Variants in NRG3 observed in about 807,000 individuals in gnomAD.
NRG3 encodes the protein pro-neuregulin-3, membrane-bound isoform.
In NRG3, 31 loss-of-function variants were observed where a neutral mutation model predicts 66.9. The observed-to-expected ratio is 0.46, with a 90% CI of 0.35 to 0.63. The LOEUF (loss-of-function observed/expected upper bound fraction) is 0.63. Among genes scored for constraint, NRG3 ranks in the 20% least tolerant of loss-of-function variants. The pLI is 0.00. For missense variants in NRG3, 910 were observed against 878.9 expected, an observed-to-expected ratio of 1.04 and a Z score of -0.45; for synonymous variants, 393 against 359.4, an observed-to-expected ratio of 1.09 and a Z score of -1.06.
chr10:82,907,044 G>A (rs1844798802), intron 4 of NRG3, among the ~76,000 whole-genome samples: 4 of 152,164 alleles, frequency 2.6e-5, no homozygotes, highest in Admixed American at 2.6e-4. Context: ...AATACAAACT[G>A]ATTTGGGTTA....
At chr10:81,915,496 G>GTTTTTTTTGTT (rs1845604360) in intron 1 of NRG3, among the ~76,000 whole-genome samples, 1 of 130,734 alleles carries the variant, frequency 7.6e-6, no homozygotes, top group African/African-American at 3.1e-5. Context: ...CACTTCTTTA[G>GTTTTTTTTGTT]TTTTTTTTTT....
chr10:82,126,576 C>T lies in NRG3; in HGVS notation c.824-232163C>T, dbSNP rs556371504. On this transcript the variant is annotated intron_variant, in intron 1 of 8. Transcript: ENST00000372141. The stretch of plus-strand genomic sequence containing the variant: ...TTCATTCTGACTGCTGCTCTTTATT[C>T]TTTATAGTAATTGGCATATAAATAT... Among the ~76,000 whole-genome samples, 7 of 152,142 alleles carry T rather than the reference C, an allele frequency of 4.6e-5. 1 individual carries two copies. The highest frequency in any genetic ancestry group is 6.9e-3 in the Middle Eastern group (2 of 288).
In NRG3 at chr10:82,862,512, A is replaced by T. The variant is rs377645155; in HGVS notation, c.1028-2899A>T. 3.9e-5 allele frequency among the ~76,000 whole-genome samples: 6 copies of T among 152,188 alleles called. No individual in the cohort carries two copies. The East Asian group carries it at 1.2e-3, about 29-fold the overall frequency. ...TCCTGAGTGTATGTACTAACCACAG[A>T]TCCACCTTTACATACTTGACCTCAC... On this transcript the variant is annotated intron_variant, in intron 3 of 8. Transcript: ENST00000372141.
intron 2 of NRG3, among the ~76,000 whole-genome samples, chr10:82,569,135 A>G (rs2133095641): frequency 6.6e-6 from 1 of 151,778 alleles, no homozygotes; most frequent in East Asian, 1.9e-4. Context: ...TAGCCTGAAA[A>G]CTTATGAAGA....
At chr10:82,101,050 TTGAG>T (rs1443047584) in intron 1 of NRG3, among the ~76,000 whole-genome samples, 4 of 152,022 alleles carry the variant, frequency 2.6e-5, no homozygotes, top group African/African-American at 9.6e-5. Flanking sequence ...TTATCTGTTC[TTGAG>T]TAAGTTTTGC....
At chr10:82,744,707 C>G (rs2058570779) in intron 3 of NRG3, among the ~76,000 whole-genome samples, 1 of 152,146 alleles carries the variant, frequency 6.6e-6, no homozygotes, top group Non-Finnish European at 1.5e-5. Flanking sequence ...TTCCTTCACT[C>G]ATTCAAAATC....
intron 3 of NRG3, among the ~76,000 whole-genome samples, chr10:82,788,609 A>AT (rs2060464903): frequency 6.6e-6 from 1 of 152,058 alleles, no homozygotes; most frequent in Admixed American, 6.6e-5. Flanking sequence ...TGAAAAGAGA[A>AT]TAAACTATCT....
chr10:82,038,272 A>G (rs919507468), intron 1 of NRG3, among the ~76,000 whole-genome samples: 2 of 152,054 alleles, frequency 1.3e-5, no homozygotes, highest in African/African-American at 4.8e-5. Context: ...ACTTTTTCCT[A>G]TTGTAGTGTC....
chr10:82,460,383 C>A (rs1287827288), intron 2 of NRG3, among the ~76,000 whole-genome samples: 2 of 152,164 alleles, frequency 1.3e-5, no homozygotes, highest in Non-Finnish European at 2.9e-5. Context: ...TTATGACTTA[C>A]AAATCATGTC....
At chr10:82,455,079 CTT>C (rs1211253606) in intron 2 of NRG3, among the ~76,000 whole-genome samples, 1 of 152,164 alleles carries the variant, frequency 6.6e-6, no homozygotes, top group African/African-American at 2.4e-5. Context: ...TCCAAGCACT[CTT>C]TACCTCACAC....
At chr10:82,614,590 C>A (rs1770185645) in intron 2 of NRG3, among the ~76,000 whole-genome samples, 1 of 151,962 alleles carries the variant, frequency 6.6e-6, no homozygotes, top group Admixed American at 6.6e-5. Context: ...TTTTAACAGT[C>A]AAGGAAACTG....
chr10:82,837,088 C>T (rs1009707246), intron 3 of NRG3, among the ~76,000 whole-genome samples: 1 of 152,130 alleles, frequency 6.6e-6, no homozygotes, highest in African/African-American at 2.4e-5. Flanking sequence ...TTTTTTATGG[C>T]TGCATAGTAT....
At chr10:82,493,441 C>T (rs991521870) in intron 2 of NRG3, among the ~76,000 whole-genome samples, 2 of 152,126 alleles carry the variant, frequency 1.3e-5, no homozygotes, top group Non-Finnish European at 2.9e-5. Context: ...CCATCCATGT[C>T]CCTGTAAAGG....
At chr10:82,570,770 CT>C (rs1284896539) in intron 2 of NRG3, among the ~76,000 whole-genome samples, 9 of 151,620 alleles carry the variant, frequency 5.9e-5, no homozygotes, top group African/African-American at 2.2e-4. Context: ...GAAGCTTCCG[CT>C]TCTGATCTCT....
chr10:82,447,886 T>C (rs2090822604), intron 2 of NRG3, among the ~76,000 whole-genome samples: 1 of 152,220 alleles, frequency 6.6e-6, no homozygotes, highest in Non-Finnish European at 1.5e-5. Context: ...ATGTTCACAC[T>C]CATTCCTACA....
chr10:82,323,489 CT>C (rs112236835), intron 1 of NRG3, among the ~76,000 whole-genome samples: 2,662 of 136,458 alleles, frequency 0.02, 47 homozygotes, highest in African/African-American at 0.046. Context: ...ACATATTATC[CT>C]TTTTTTTTTT....
intron 5 of NRG3, among the ~76,000 whole-genome samples, chr10:82,952,471 CTGTG>C (rs60100337): frequency 0.23 from 23,024 of 98,284 alleles, 2,701 homozygotes; most frequent in East Asian, 0.39. Flanking sequence ...CTCTCTCTCT[CTGTG>C]TGTGTGTGTG....
chr10:82,505,182 G>A (rs540809910), intron 2 of NRG3, among the ~76,000 whole-genome samples: 1 of 152,196 alleles, frequency 6.6e-6, no homozygotes, highest in Admixed American at 6.5e-5. Context: ...GAAATGCAAA[G>A]TATTTAACTG....
intron 1 of NRG3, among the ~76,000 whole-genome samples, chr10:82,257,462 A>T (rs79053674): frequency 0.042 from 6,256 of 148,650 alleles, 185 homozygotes; most frequent in African/African-American, 0.082. Context: ...TTATAAATAC[A>T]AAAAAAAAAG....
Sources: gnomAD v4.1 joint callset for allele counts (sites outside exome capture counted in the v4.1 genomes callset) on GRCh38, gnomAD v4.1.1 for gene constraint, MANE v1.5 for transcripts, NCBI Gene and HGNC (gene_info 2026-07-23, HGNC 2026-07-21) for gene names.